PLEKHA6: variants seen among roughly 807,000 people sequenced by gnomAD.
The protein encoded by PLEKHA6 is pleckstrin homology domain containing A6.
Under a neutral mutation model 116.7 loss-of-function variants are expected in PLEKHA6, and 60 were observed. That is an observed-to-expected ratio of 0.51 (90% CI 0.42 to 0.64). PLEKHA6 has a LOEUF of 0.64. Ranked by LOEUF, PLEKHA6 falls within the 30% of genes least tolerant of loss-of-function variation. The pLI is 0.00. For missense variants in PLEKHA6, 1,338 were observed against 1,422.7 expected, an observed-to-expected ratio of 0.94 and a Z score of 0.96; for synonymous variants, 489 against 556.1, an observed-to-expected ratio of 0.88 and a Z score of 1.70.
intron 1 of PLEKHA6, among the ~76,000 whole-genome samples, chr1:204,332,001 G>A (rs1043478343): frequency 3.9e-5 from 6 of 152,088 alleles, no homozygotes; most frequent in East Asian, 1.9e-4. Context: ...ATGCCCAAAC[G>A]CTTCCTTTCC....
At chr1:204,364,843 C>G (rs777475187), upstream of PLEKHA6, among the ~76,000 whole-genome samples, 4 of 152,114 alleles carry the variant, frequency 2.6e-5, no homozygotes, top group Non-Finnish European at 5.9e-5. Context: ...GGGGTAGGGC[C>G]CAGCCATCTG....
At position 204,228,051 on chromosome 1, in the gene PLEKHA6, G is replaced by A; in HGVS notation, c.3031+32C>T. The A allele has an allele frequency of 1.2e-6, 2 of 1,605,692 alleles. No individual in the cohort carries two copies. The highest frequency in any genetic ancestry group is 1.1e-5 in the South Asian group (1 of 90,458). ...TTAAACCTGGTCAGCTGGTTTCCCT[G>A]GCAGGGTGGAGCGAGGCCCAGCCCC... On this transcript the variant is annotated intron_variant, in intron 21 of 22. Transcript: ENST00000272203. The surrounding 1 kb of genome is among the most constrained non-coding windows in gnomAD (Gnocchi z 4.0).
chr1:204,250,548 C>A lies in PLEKHA6; in HGVS notation c.1591G>T (p.Asp531Tyr). Residue 531 changes from aspartate (D) to tyrosine (Y), a missense_variant and splice_region_variant, in exon 10 of 23, where the codon GAT becomes TAT. Transcript: ENST00000272203. Reference protein sequence around the residue: ...HTYKLNEQDTDKLLGKLCEQN... With the variant: ...HTYKLNEQDTYKLLGKLCEQN... Reference sequence around the variant, plus strand: ...GGAGCAGGGGGCGCTGCTCTTACATCTGTGTCTTGCTCGTTTAACTTGTAG... The same window carrying A: ...GGAGCAGGGGGCGCTGCTCTTACATATGTGTCTTGCTCGTTTAACTTGTAG... 6.2e-7 allele frequency: 1 copy of A among 1,611,314 alleles called. No individual in the cohort carries two copies. The highest frequency in any genetic ancestry group is 8.5e-7 in the Non-Finnish European group (1 of 1,178,118).
At chr1:204,377,201 T>TAGGA (rs138333935) in intron 1 of PLEKHA6, among the ~76,000 whole-genome samples, 2,575 of 152,012 alleles carry the variant, frequency 0.017, 67 homozygotes, top group African/African-American at 0.058. Flanking sequence ...AGTCTTCCCA[T>TAGGA]AGGAAAGTCT....
At chr1:204,279,264 A>G (rs957762198) in intron 1 of PLEKHA6, among the ~76,000 whole-genome samples, 1 of 152,220 alleles carries the variant, frequency 6.6e-6, no homozygotes, top group African/African-American at 2.4e-5. Context: ...CTGTAAAGAT[A>G]GCACAAGGGA....
chr1:204,251,646 C>T (rs775095762), intron 9 of PLEKHA6: 22 of 699,902 alleles, frequency 3.1e-5, no homozygotes, highest in African/African-American at 2.1e-4. Context: ...ATTCACACTC[C>T]GACCTACATG....
At chr1:204,266,569 T>C (rs1666849453) in intron 5 of PLEKHA6, among the ~76,000 whole-genome samples, 1 of 152,182 alleles carries the variant, frequency 6.6e-6, no homozygotes, top group African/African-American at 2.4e-5. Flanking sequence ...CTGGACTCTG[T>C]ATGCTCAGCC....
chr1:204,250,529 G>C lies in PLEKHA6; in HGVS notation c.1593+17C>G, dbSNP rs773431157. Reference sequence around the variant, plus strand: ...GAGGCTGGAGTGGAGGGAGGGAGCAGGGGGCGCTGCTCTTACATCTGTGTC... The same window carrying C: ...GAGGCTGGAGTGGAGGGAGGGAGCACGGGGCGCTGCTCTTACATCTGTGTC... On this transcript the variant is annotated intron_variant, in intron 10 of 22. Coordinates refer to ENST00000272203, the MANE Select transcript of PLEKHA6 (RefSeq NM_014935.5). 3.0e-5 allele frequency: 48 copies of C among 1,595,756 alleles called. 2 individuals carry two copies. In the South Asian group the frequency reaches 4.7e-4, roughly 15 times the overall value.
intron 1 of PLEKHA6, among the ~76,000 whole-genome samples, chr1:204,279,089 G>T (rs1461220038): frequency 6.6e-6 from 1 of 152,156 alleles, no homozygotes. Context: ...AGGACGGGAA[G>T]AAAATTAAGC....
At chr1:204,224,156 C>T (rs1392117646) in intron 21 of PLEKHA6, among the ~76,000 whole-genome samples, 1 of 152,100 alleles carries the variant, frequency 6.6e-6, no homozygotes, top group Admixed American at 6.5e-5. Flanking sequence ...TTGAGACCCC[C>T]TTTTCATCAG....
chr1:204,287,721 C>T (rs531182322), intron 1 of PLEKHA6, among the ~76,000 whole-genome samples: 1 of 152,250 alleles, frequency 6.6e-6, no homozygotes, highest in East Asian at 1.9e-4. Flanking sequence ...AGGAAATCGG[C>T]CCACAAGAGA....
chr1:204,335,401 C>G (rs1227978753), intron 1 of PLEKHA6, among the ~76,000 whole-genome samples: 1 of 152,104 alleles, frequency 6.6e-6, no homozygotes, highest in Non-Finnish European at 1.5e-5. Flanking sequence ...CCTTCCTTCC[C>G]CAGCAGAGAA....
At chr1:204,299,758 A>ATATTTTT in intron 1 of PLEKHA6, 1 of 336,078 alleles carries the variant, frequency 3.0e-6, no homozygotes, top group Non-Finnish European at 4.2e-6. Context: ...CCATGAGCTA[A>ATATTTTT]TGTCCCCTTT....
At chr1:204,312,979 C>T (rs1355774691) in intron 1 of PLEKHA6, among the ~76,000 whole-genome samples, 1 of 150,996 alleles carries the variant, frequency 6.6e-6, no homozygotes, top group Non-Finnish European at 1.5e-5. Flanking sequence ...TTCCTCCCAC[C>T]TCAGCTTCTC....
intron 1 of PLEKHA6, among the ~76,000 whole-genome samples, chr1:204,345,057 C>T (rs1336201904): frequency 6.6e-6 from 1 of 152,180 alleles, no homozygotes; most frequent in Non-Finnish European, 1.5e-5. Flanking sequence ...GGGAGATACA[C>T]ATTTATCGGC....
chr1:204,333,466 T>C (rs1481190241), intron 1 of PLEKHA6, among the ~76,000 whole-genome samples: 1 of 152,248 alleles, frequency 6.6e-6, no homozygotes, highest in Non-Finnish European at 1.5e-5. Context: ...CTCTGACATT[T>C]GCATAGCGTT....
chr1:204,258,239 G>A (rs952717126), intron 8 of PLEKHA6, among the ~76,000 whole-genome samples: 1 of 152,172 alleles, frequency 6.6e-6, no homozygotes, highest in Admixed American at 6.5e-5. Flanking sequence ...AATGTAGGAG[G>A]GATGAAAGAA....
chr1:204,376,324 G>C (rs567673782), intron 1 of PLEKHA6, among the ~76,000 whole-genome samples: 1 of 152,114 alleles, frequency 6.6e-6, no homozygotes, highest in Non-Finnish European at 1.5e-5. Context: ...CCTGAGGTAG[G>C]GCTCAGGAAT....
chr1:204,358,060 A>G (rs1007144540), intron 1 of PLEKHA6, among the ~76,000 whole-genome samples: 2 of 152,222 alleles, frequency 1.3e-5, no homozygotes, highest in Admixed American at 1.3e-4. Flanking sequence ...CCCAGCAAAA[A>G]AAAAGCAGGT....
Sources: gnomAD v4.1 joint callset for allele counts (sites outside exome capture counted in the v4.1 genomes callset) on GRCh38, gnomAD v4.1.1 for gene constraint, Gnocchi (gnomAD v3.1) non-coding constraint, MANE v1.5 for transcripts, NCBI Gene and HGNC (gene_info 2026-07-23, HGNC 2026-07-21) for gene names.